GPR17: variants seen among roughly 807,000 people sequenced by gnomAD.
GPR17 encodes the protein uracil nucleotide/cysteinyl leukotriene receptor.
GPR17 carries 4 observed loss-of-function variants against 1.5 expected under a neutral mutation model. The ratio of observed to expected loss-of-function variants is 2.73; its 90% confidence interval spans 1.35 to 6.25. The LOEUF (loss-of-function observed/expected upper bound fraction) is 6.25, where lower values mean the gene tolerates loss of function less well. Ranked by LOEUF, GPR17 falls within the 30% of genes most tolerant of loss-of-function variation. The pLI, the probability that GPR17 is intolerant of heterozygous loss-of-function variation, is 0.00. For synonymous variants in GPR17, 209 were observed against 207.6 expected, an observed-to-expected ratio of 1.01 and a Z score of -0.06; for missense variants, 463 against 462.1, an observed-to-expected ratio of 1.00 and a Z score of -0.02.
rs761468850 is a variant in GPR17 at position 127,651,530 on chromosome 2, T to A, written c.795T>A (p.His265Gln). ...TCTACGTGCTGCACTACCGCAGCCA[T>A]GGGGCCTCCTGCGCCACCCAGCGCA... ...RSVYVLHYRSHGASCATQRIL... is the reference protein window; with the variant it reads ...RSVYVLHYRSQGASCATQRIL... The change falls in exon 2 of 2, where the codon CAT becomes CAA. Residue 265 changes from histidine to glutamine, a missense_variant. Physicochemically the swap from His to Gln is conservative, Grantham distance 24. Coordinates refer to ENST00000486700, the MANE Select transcript of GPR17 (RefSeq NM_001161417.2). The A allele has an allele frequency of 1.2e-6, 2 of 1,612,474 alleles. No individual in the cohort carries two copies. The highest frequency in any genetic ancestry group is 4.5e-5 in the East Asian group (2 of 44,906).
At chr2:127,646,945 C>T (rs750624761) in intron 1 of GPR17, among the ~76,000 whole-genome samples, 1 of 152,242 alleles carries the variant, frequency 6.6e-6, no homozygotes, top group East Asian at 1.9e-4. Context: ...CCTCAGCAAA[C>T]CTGAAACCAA....
chr2:127,648,920 G>C (rs1379364395), intron 1 of GPR17, among the ~76,000 whole-genome samples: 12 of 125,602 alleles, frequency 9.6e-5, no homozygotes, highest in African/African-American at 3.6e-4. Context: ...CCTTGAAAAA[G>C]AGAAAGAAAA....
In GPR17 at chr2:127,651,865, A is replaced by C; in HGVS notation, c.*110A>C. On this transcript the variant is annotated 3_prime_UTR_variant, in exon 2 of 2. Coordinates refer to ENST00000486700, the MANE Select transcript of GPR17 (RefSeq NM_001161417.2). ...TCCCCAGCAAGCAACCTGAAATCTC[A>C]GCAGATGCCCACCATTTCTCTAGAT... is the stretch of plus-strand genomic sequence containing the variant. 109 of 965,636 alleles carry C rather than the reference A, an allele frequency of 1.1e-4. No individual in the cohort carries two copies. Among genetic ancestry groups the C allele is most frequent in the Non-Finnish European group, 1.5e-4 (99 of 639,132 alleles). 59.8% of individuals were successfully genotyped at this position (965,636 alleles called of 1,614,324 possible).
In GPR17 at chr2:127,647,658, T is replaced by C. The variant is rs1683143555; in HGVS notation, c.-21+1414T>C. Among the ~76,000 whole-genome samples the C allele has an allele frequency of 6.6e-6, 1 of 151,676 alleles. No individual in the cohort carries two copies. Among genetic ancestry groups the C allele is most frequent in the African/African-American group, 2.4e-5 (1 of 41,222 alleles). ...GGCCCCTCACTCACTGGGCCCCCTC[T>C]CCTCTTCCAGTCTCCAGGGCCTCCC... is the stretch of plus-strand genomic sequence containing the variant. On this transcript the variant is annotated intron_variant, in intron 1 of 1. Coordinates refer to ENST00000486700, the MANE Select transcript of GPR17 (RefSeq NM_001161417.2). This position sits in a 1 kb window ranked among gnomAD's most constrained non-coding sequence, Gnocchi z 4.3.
In GPR17 at chr2:127,648,892, C is replaced by T. The variant is rs563154308; in HGVS notation, c.-20-1824C>T. Among the ~76,000 whole-genome samples, 3 of 145,864 alleles carry T rather than the reference C, an allele frequency of 2.1e-5. No individual in the cohort carries two copies. The East Asian group carries it at 6.2e-4, about 30-fold the overall frequency. ...GCTGATTGCACCACTGCACTCCAGC[C>T]TGGGTGACAGAGGGAGACCTTGAAA... is the stretch of plus-strand genomic sequence containing the variant. On this transcript the variant is annotated intron_variant, in intron 1 of 1. Transcript: ENST00000486700.
Position 127,652,055 on chromosome 2 carries a change from T to G in GPR17, c.*300T>G. On this transcript the variant is annotated 3_prime_UTR_variant, in exon 2 of 2. Coordinates refer to ENST00000486700, the MANE Select transcript of GPR17 (RefSeq NM_001161417.2). Reference sequence around the variant, plus strand: ...AACAACCCCTGAACAATGGAGGCCTTTCTTTCCCGCTAGGCTCCCAGCCTC... The same window carrying G: ...AACAACCCCTGAACAATGGAGGCCTGTCTTTCCCGCTAGGCTCCCAGCCTC... The G allele has an allele frequency of 2.5e-6, 1 of 394,670 alleles. No homozygotes were observed. The allele number at this position is 394,670 out of a possible 1,614,324, so 24.4% of individuals were successfully genotyped here. A position where few individuals can be genotyped will look rare whatever the true frequency, so the allele number is the denominator to read the frequency against.
Position 127,651,872 on chromosome 2 carries a change from G to A in GPR17, c.*117G>A. 3.2e-6 allele frequency: 3 copies of A among 927,908 alleles called. No individual in the cohort carries two copies. Among genetic ancestry groups the A allele is most frequent in the African/African-American group, 1.7e-5 (1 of 60,476 alleles). 57.5% of individuals were successfully genotyped at this position (927,908 alleles called of 1,614,324 possible). ...CAAGCAACCTGAAATCTCAGCAGATGCCCACCATTTCTCTAGATCGCCTAG... is the reference window on the plus strand; with the variant it reads ...CAAGCAACCTGAAATCTCAGCAGATACCCACCATTTCTCTAGATCGCCTAG... On this transcript the variant is annotated 3_prime_UTR_variant, in exon 2 of 2. Coordinates refer to ENST00000486700, the MANE Select transcript of GPR17 (RefSeq NM_001161417.2).
chr2:127,649,539 T>C (rs1049402644), intron 1 of GPR17, among the ~76,000 whole-genome samples: 1 of 152,246 alleles, frequency 6.6e-6, no homozygotes, highest in Non-Finnish European at 1.5e-5. Flanking sequence ...AGGTGCGCTG[T>C]CCTGCCCTGG....
rs1683845134 is a variant in GPR17, at chr2:127,651,947, C to CTTTGGTGG, written c.*192_*193insTTTGGTGG. 29 of 627,082 alleles carry CTTTGGTGG rather than the reference C, an allele frequency of 4.6e-5. No homozygotes were observed. Among genetic ancestry groups the CTTTGGTGG allele is most frequent in the Non-Finnish European group, 8.0e-5 (28 of 349,902 alleles). The allele number at this position is 627,082 out of a possible 1,614,324, so 38.8% of individuals were successfully genotyped here. Reference sequence around the variant, plus strand: ...TGACAAAGGGGATCCATCGGCCACCCCTCTGCAGGGGCTTGTGATGGCTAC... The same window carrying CTTTGGTGG: ...TGACAAAGGGGATCCATCGGCCACCCTTTGGTGGCTCTGCAGGGGCTTGTGATGGCTAC... On this transcript the variant is annotated 3_prime_UTR_variant, in exon 2 of 2. Coordinates refer to ENST00000486700, the MANE Select transcript of GPR17 (RefSeq NM_001161417.2).
intron 1 of GPR17, among the ~76,000 whole-genome samples, chr2:127,649,179 G>GGAAGGAAGGAAA (rs1553463231): frequency 1.1e-4 from 13 of 118,428 alleles, no homozygotes; most frequent in Admixed American, 2.4e-4. Flanking sequence ...AAGGAAGGAA[G>GGAAGGAAGGAAA]GAAGGAAGGA....
At position 127,651,844 on chromosome 2, in the gene GPR17, C is replaced by T; in HGVS notation, c.*89C>T. The T allele has an allele frequency of 3.2e-6, 4 of 1,239,936 alleles. No homozygotes were observed. Among genetic ancestry groups the T allele is most frequent in the East Asian group, 2.4e-5 (1 of 42,108 alleles). 76.8% of individuals were successfully genotyped at this position (1,239,936 alleles called of 1,614,324 possible). On this transcript the variant is annotated 3_prime_UTR_variant, in exon 2 of 2. Coordinates refer to ENST00000486700, the MANE Select transcript of GPR17 (RefSeq NM_001161417.2). Reference sequence around the variant, plus strand: ...TCTGCCCTTTCCCCAGCCACCTCCCCAGCAAGCAACCTGAAATCTCAGCAG... The same window carrying T: ...TCTGCCCTTTCCCCAGCCACCTCCCTAGCAAGCAACCTGAAATCTCAGCAG...
rs57220891 is a variant in GPR17 at position 127,646,895 on chromosome 2, ATCAGAACTCC to A, written c.-21+655_-21+664del. The stretch of plus-strand genomic sequence containing the variant: ...CTCAGACCAAACTGCAACAATCAGT[ATCAGAACTCC>A]TCAAACGGGGGACAGAAAGGGAGAA... On this transcript the variant is annotated intron_variant, in intron 1 of 1. Coordinates refer to ENST00000486700, the MANE Select transcript of GPR17 (RefSeq NM_001161417.2). 6.3e-3 allele frequency among the ~76,000 whole-genome samples: 963 copies of A among 152,370 alleles called. 9 individuals carry two copies. The highest frequency in any genetic ancestry group is 0.022 in the African/African-American group (925 of 41,584).
At position 127,651,299 on chromosome 2, in the gene GPR17, G is replaced by A. The variant is rs775621335; in HGVS notation, c.564G>A (p.Lys188=). Residue 188 remains lysine, a synonymous_variant, in exon 2 of 2, where the codon AAG becomes AAA. Transcript: ENST00000486700. ...TVVCLQLYRE[K]ASHHALVSLA... ...TCTGCCTGCAGCTGTACCGGGAGAA[G>A]GCCTCCCACCATGCCCTGGTGTCCC... The A allele has an allele frequency of 1.2e-6, 2 of 1,608,638 alleles. No homozygotes were observed.
intron 1 of GPR17, chr2:127,650,424 C>G: frequency 1.9e-6 from 1 of 539,766 alleles, no homozygotes; most frequent in African/African-American, 1.9e-5. Context: ...GGCACTGACC[C>G]GGTCCTCCCA....
chr2:127,651,739 C>T lies in GPR17; in HGVS notation c.1004C>T (p.Ala335Val), dbSNP rs751907341. ...AAAACCAACGAGAGCTCGCTGAGTG[C>T]CAAGTCAGAGCTGTGAGCGGGGGGC... Reference protein sequence around the residue: ...EGKTNESSLSAKSEL With the variant: ...EGKTNESSLSVKSEL The change falls in exon 2 of 2, where the codon GCC becomes GTC. Residue 335 changes from alanine to valine, a missense_variant. Coordinates refer to ENST00000486700, the MANE Select transcript of GPR17 (RefSeq NM_001161417.2). 1.2e-6 allele frequency: 2 copies of T among 1,612,404 alleles called. No individual in the cohort carries two copies. Among genetic ancestry groups the T allele is most frequent in the Non-Finnish European group, 1.7e-6 (2 of 1,179,624 alleles).
chr2:127,651,405 C>G lies in GPR17; in HGVS notation c.670C>G (p.Arg224Gly). The G allele has an allele frequency of 6.2e-7, 1 of 1,612,800 alleles. No homozygotes were observed. Residue 224 changes from arginine (R) to glycine (G), a missense_variant, in exon 2 of 2, where the codon CGT becomes GGT. Coordinates refer to ENST00000486700, the MANE Select transcript of GPR17 (RefSeq NM_001161417.2). ...CATCCGCAGCCTGCGGCAGGGCCTG[C>G]GTGTGGAGAAGCGCCTCAAGACCAA... is the stretch of plus-strand genomic sequence containing the variant. The part of the protein sequence containing the change: ...LIIRSLRQGL[R>G]VEKRLKTKAV...
chr2:127,650,249 G>A (rs976915053), intron 1 of GPR17, among the ~76,000 whole-genome samples: 2 of 152,150 alleles, frequency 1.3e-5, no homozygotes, highest in African/African-American at 4.8e-5. Flanking sequence ...CACTCAGGAT[G>A]AACAGAACTC....
At chr2:127,646,829 T>C (rs936486920) in intron 1 of GPR17, among the ~76,000 whole-genome samples, 1 of 152,240 alleles carries the variant, frequency 6.6e-6, no homozygotes, top group African/African-American at 2.4e-5. Context: ...AGACTGAAGT[T>C]TGTGTTTCTA....
chr2:127,649,988 A>ATTTTT, intron 1 of GPR17: 1 of 1,597,442 alleles, frequency 6.3e-7, no homozygotes, highest in Non-Finnish European at 8.6e-7. Context: ...CTTCTCCTAA[A>ATTTTT]CACAGGTCTC....
Sources: gnomAD v4.1 joint callset for allele counts (sites outside exome capture counted in the v4.1 genomes callset) on GRCh38, gnomAD v4.1.1 for gene constraint, Gnocchi (gnomAD v3.1) non-coding constraint, MANE v1.5 for transcripts, NCBI Gene and HGNC (gene_info 2026-07-23, HGNC 2026-07-21) for gene names.